SORCS1: variants seen among roughly 807,000 people sequenced by gnomAD.
SORCS1 encodes sortilin related VPS10 domain containing receptor 1.
Under a neutral mutation model 146.1 loss-of-function variants are expected in SORCS1, and 60 were observed. The observed-to-expected ratio is 0.41, with a 90% CI of 0.33 to 0.51. The LOEUF (loss-of-function observed/expected upper bound fraction) is 0.51, where lower values mean the gene tolerates loss of function less well. Ranked by LOEUF, SORCS1 falls within the 20% of genes least tolerant of loss-of-function variation. The probability of loss-of-function intolerance (pLI) is 0.21; values close to 1 mark genes in which losing one functional copy is unlikely to be tolerated. For missense variants in SORCS1, 1,352 were observed against 1,487.6 expected (o/e 0.91, Z 1.50); for synonymous variants, 637 against 584.0 (o/e 1.09, Z -1.31).
chr10:107,116,372 T>C (rs868075034), intron 1 of SORCS1, among the ~76,000 whole-genome samples: 6 of 152,252 alleles, frequency 3.9e-5, no homozygotes, highest in Admixed American at 6.5e-5. Context: ...AAAGTGTCCA[T>C]TGCTGGATAA....
chr10:107,130,560 A>G (rs1424527122), intron 1 of SORCS1, among the ~76,000 whole-genome samples: 1 of 152,206 alleles, frequency 6.6e-6, no homozygotes, highest in Non-Finnish European at 1.5e-5. Context: ...ACGGCCTCAC[A>G]TGGCTGACAA....
chr10:106,652,931 T>A (rs752640843), intron 17 of SORCS1, among the ~76,000 whole-genome samples: 2 of 152,194 alleles, frequency 1.3e-5, no homozygotes, highest in African/African-American at 2.4e-5. Context: ...AATTAAGGAC[T>A]AGAATGAGTA....
intron 2 of SORCS1, among the ~76,000 whole-genome samples, chr10:106,951,579 C>T (rs1294824556): frequency 6.6e-6 from 1 of 150,832 alleles, no homozygotes; most frequent in Non-Finnish European, 1.5e-5. Context: ...TAGGTACACA[C>T]ACACCTTCCC....
intron 2 of SORCS1, among the ~76,000 whole-genome samples, chr10:106,852,191 G>T (rs1480399917): frequency 2.0e-5 from 3 of 151,908 alleles, no homozygotes; most frequent in Non-Finnish European, 4.4e-5. Flanking sequence ...TTGTCTTATG[G>T]TATTAGCTAG....
chr10:106,621,974 C>G (rs1847774856), intron 19 of SORCS1, among the ~76,000 whole-genome samples: 1 of 152,064 alleles, frequency 6.6e-6, no homozygotes, highest in African/African-American at 2.4e-5. Flanking sequence ...GTTACTCATA[C>G]TTGTTCAAAA....
intron 23 of SORCS1, among the ~76,000 whole-genome samples, chr10:106,606,146 TAAC>T (rs1005672381): frequency 3.3e-5 from 5 of 152,016 alleles, no homozygotes; most frequent in African/African-American, 1.2e-4. Context: ...CAAAGAAGGA[TAAC>T]AACAACATAA....
rs55792532 is a variant in SORCS1 at position 106,975,913 on chromosome 10, C to T, written c.559-19333G>A. 4.5e-3 allele frequency among the ~76,000 whole-genome samples: 679 copies of T among 152,108 alleles called. 6 individuals are homozygous for T. The highest frequency in any genetic ancestry group is 0.016 in the African/African-American group (652 of 41,518). ...CTGTAATCCCAGCACTTTGGGAGGC[C>T]GAGGTGGGTGGATCACCTGAGGTCA... On this transcript the variant is annotated intron_variant, in intron 1 of 25. Coordinates refer to ENST00000263054, the MANE Select transcript of SORCS1 (RefSeq NM_052918.5).
At chr10:107,093,241 A>T (rs937510081) in intron 1 of SORCS1, among the ~76,000 whole-genome samples, 1 of 152,172 alleles carries the variant, frequency 6.6e-6, no homozygotes, top group Non-Finnish European at 1.5e-5. Context: ...ACTTCGATTG[A>T]CCGACAGTGC....
chr10:107,014,284 AAGAGAG>A (rs906628023), intron 1 of SORCS1, among the ~76,000 whole-genome samples: 80 of 145,026 alleles, frequency 5.5e-4, no homozygotes, highest in Middle Eastern at 3.8e-3. Context: ...AAAAGAAAAA[AAGAGAG>A]AGAGAGAGAG....
At chr10:106,601,975 C>T (rs765489373) in intron 23 of SORCS1, among the ~76,000 whole-genome samples, 2 of 152,168 alleles carry the variant, frequency 1.3e-5, no homozygotes, top group African/African-American at 2.4e-5. Context: ...ATGGTTACCA[C>T]ACAAAGAACA....
chr10:106,708,038 A>G (rs1310650097), intron 7 of SORCS1, among the ~76,000 whole-genome samples: 5 of 152,322 alleles, frequency 3.3e-5, no homozygotes, highest in South Asian at 4.1e-4. Flanking sequence ...GAAATTCCAA[A>G]TGCAGAATTG....
At chr10:106,587,737 C>A (rs1442032278) in intron 24 of SORCS1, among the ~76,000 whole-genome samples, 5 of 152,098 alleles carry the variant, frequency 3.3e-5, no homozygotes, top group Non-Finnish European at 5.9e-5. Context: ...ATTAAAAAAC[C>A]CACACATACC....
intron 24 of SORCS1, among the ~76,000 whole-genome samples, chr10:106,588,193 G>A (rs757434652): frequency 2.0e-5 from 3 of 152,178 alleles, no homozygotes; most frequent in Non-Finnish European, 2.9e-5. Context: ...CTCTTGGCTG[G>A]CCTTTGCCAT....
chr10:106,933,714 G>C (rs1054053006), intron 2 of SORCS1, among the ~76,000 whole-genome samples: 5 of 152,092 alleles, frequency 3.3e-5, no homozygotes, highest in African/African-American at 1.2e-4. Flanking sequence ...AGTAAGGATA[G>C]CTAACACCCA....
chr10:107,035,997 T>C (rs1589984560), intron 1 of SORCS1, among the ~76,000 whole-genome samples: 2 of 151,056 alleles, frequency 1.3e-5, no homozygotes, highest in East Asian at 3.9e-4. Context: ...AGAATCAGGA[T>C]TTGAACACAG....
intron 15 of SORCS1, 91 bp from the exon 16 acceptor site, chr10:106,671,458 T>G (rs1851596885): frequency 6.5e-7 from 1 of 1,545,352 alleles, no homozygotes; most frequent in South Asian, 1.2e-5. Context: ...CATTTGCACA[T>G]CTTAGTGTAA....
chr10:107,164,807 G>A (rs879304322), upstream of SORCS1, among the ~76,000 whole-genome samples: 136 of 148,172 alleles, frequency 9.2e-4, no homozygotes, highest in Non-Finnish European at 1.6e-3. This position sits in a 1 kb window ranked among gnomAD's most constrained non-coding sequence, Gnocchi z 6.8. Context: ...GGCGACGCGG[G>A]AGGGAGGGCA....
intron 3 of SORCS1, among the ~76,000 whole-genome samples, chr10:106,784,357 T>C (rs1442672030): frequency 5.4e-5 from 8 of 148,618 alleles, no homozygotes; most frequent in African/African-American, 1.8e-4. Context: ...ATCGCGCCAC[T>C]GCTCTCCAGC....
Position 106,806,705 on chromosome 10 carries a change from C to T in SORCS1, c.726+22869G>A, listed in dbSNP as rs552572009. ...TAATTTTTCGTATTTTTAGTAGAGA[C>T]GGGGTTTCACCATGTTAGCCAGGAT... is the stretch of plus-strand genomic sequence containing the variant. On this transcript the variant is annotated intron_variant, in intron 3 of 25. Transcript: ENST00000263054. Among the ~76,000 whole-genome samples, 163 of 151,552 alleles carry T rather than the reference C, an allele frequency of 1.1e-3. 2 individuals are homozygous for T. The highest frequency in any genetic ancestry group is 8.2e-4 in the Non-Finnish European group (56 of 67,902).
Sources: allele counts gnomAD v4.1 joint callset (sites outside exome capture counted in the v4.1 genomes callset), GRCh38; gene constraint gnomAD v4.1.1; non-coding constraint Gnocchi (gnomAD v3.1); transcripts MANE v1.5; gene names NCBI Gene and HGNC (gene_info 2026-07-23, HGNC 2026-07-21).